STAU2: variants seen among roughly 807,000 people sequenced by gnomAD.
STAU2 encodes the protein double-stranded RNA-binding protein Staufen homolog 2.
A neutral mutation model predicts 65.9 loss-of-function variants in STAU2; 20 were observed. That is an observed-to-expected ratio of 0.30 (90% CI 0.21 to 0.44). The LOEUF is 0.44. Ranked by LOEUF, STAU2 falls within the 20% of genes least tolerant of loss-of-function variation. The pLI, the probability that STAU2 is intolerant of heterozygous loss-of-function variation, is 1.00. For missense variants in STAU2, 558 were observed against 683.9 expected, an observed-to-expected ratio of 0.82 and a Z score of 2.05; for synonymous variants, 232 against 233.9, an observed-to-expected ratio of 0.99 and a Z score of 0.07.
chr8:73,545,760 G>T (rs1229929729), intron 13 of STAU2, among the ~76,000 whole-genome samples: 1 of 151,392 alleles, frequency 6.6e-6, no homozygotes, highest in Non-Finnish European at 1.5e-5. Flanking sequence ...CCATTCTGTT[G>T]CCTCAGCCTC....
intron 12 of STAU2, 50 bp downstream of exon 12, chr8:73,582,720 T>A: frequency 6.4e-7 from 1 of 1,561,506 alleles, no homozygotes; most frequent in South Asian, 1.1e-5. Context: ...AGCTAGTCAC[T>A]GAGCCACTGA....
intron 5 of STAU2, chr8:73,675,416 C>T (rs1321608740): frequency 1.3e-5 from 2 of 150,466 alleles, no homozygotes; most frequent in East Asian, 3.9e-4. Flanking sequence ...CTCAAAATGT[C>T]TCCTCAGAAA....
At position 73,595,223 on chromosome 8, in the gene STAU2, T is replaced by A; in HGVS notation, c.1104A>T (p.Ala368=). 1 of 1,612,130 alleles carries A rather than the reference T, an allele frequency of 6.2e-7. No individual in the cohort carries two copies. Among genetic ancestry groups the A allele is most frequent in the Admixed American group, 1.7e-5 (1 of 59,544 alleles). Residue 368 remains alanine (A), a synonymous_variant, in exon 11 of 15, where the codon GCA becomes GCT. Coordinates refer to ENST00000524300, the MANE Select transcript of STAU2 (RefSeq NM_001164380.2). ...CTTTATAACCAAGTTGTAACAGCAT[T>A]GCTTCTGCAGCATTTTTTTTGGCTA... is the stretch of plus-strand genomic sequence containing the variant. The part of the protein sequence containing the change: ...KKIAKKNAAE[A]MLLQLGYKAS...
At chr8:73,427,017 C>T (rs1816875015) in intron 13 of STAU2, among the ~76,000 whole-genome samples, 1 of 151,310 alleles carries the variant, frequency 6.6e-6, no homozygotes, top group Admixed American at 6.6e-5. Flanking sequence ...CAACCTCTGC[C>T]TCCCGGGTTC....
intron 13 of STAU2, among the ~76,000 whole-genome samples, chr8:73,484,571 C>T (rs1250643398): frequency 6.6e-6 from 1 of 151,998 alleles, no homozygotes; most frequent in Admixed American, 6.6e-5. Flanking sequence ...TCAGATTCAC[C>T]TATTACTTAC....
chr8:73,441,773 C>A (rs897450328), intron 13 of STAU2, among the ~76,000 whole-genome samples: 1 of 152,156 alleles, frequency 6.6e-6, no homozygotes, highest in African/African-American at 2.4e-5. Context: ...AAGACTAATC[C>A]GTCTGGAGTA....
chr8:73,543,750 T>C (rs1806709222), intron 13 of STAU2, among the ~76,000 whole-genome samples: 2 of 152,206 alleles, frequency 1.3e-5, no homozygotes, highest in African/African-American at 4.8e-5. Flanking sequence ...TACACACTGG[T>C]TGAATTCATG....
At chr8:73,658,875 T>TG (rs768520190) in intron 6 of STAU2, among the ~76,000 whole-genome samples, 1 of 151,214 alleles carries the variant, frequency 6.6e-6, no homozygotes, top group African/African-American at 2.4e-5. Flanking sequence ...ATCAAGCCAC[T>TG]GTACTCCAGC....
chr8:73,690,100 G>A (rs1022217739), intron 4 of STAU2, among the ~76,000 whole-genome samples: 2 of 151,814 alleles, frequency 1.3e-5, no homozygotes, highest in African/African-American at 4.8e-5. Context: ...AGGCTGAGAT[G>A]GGCGGATCAC....
chr8:73,616,825 T>C (rs61022162), intron 7 of STAU2, among the ~76,000 whole-genome samples: 29,345 of 151,608 alleles, frequency 0.19, 3,077 homozygotes, highest in East Asian at 0.37. Context: ...CACTATGCTA[T>C]GTATAGGACA....
intron 12 of STAU2, among the ~76,000 whole-genome samples, chr8:73,558,724 T>G (rs935521033): frequency 1.3e-5 from 2 of 152,202 alleles, no homozygotes; most frequent in Non-Finnish European, 2.9e-5. Context: ...GCCACTCCAC[T>G]GGAACTCCCA....
intron 4 of STAU2, among the ~76,000 whole-genome samples, chr8:73,701,312 G>A (rs1202791935): frequency 1.3e-5 from 2 of 152,012 alleles, no homozygotes; most frequent in Admixed American, 6.6e-5. Context: ...GCACAGCAAA[G>A]GAAACAGTCA....
At chr8:73,676,184 T>G (rs1244626519) in intron 5 of STAU2, among the ~76,000 whole-genome samples, 1 of 151,586 alleles carries the variant, frequency 6.6e-6, no homozygotes, top group Non-Finnish European at 1.5e-5. Context: ...TAACTTCTTT[T>G]TAAGACCCAT....
chr8:73,607,287 T>G (rs1340311723), intron 9 of STAU2, among the ~76,000 whole-genome samples: 1 of 152,178 alleles, frequency 6.6e-6, no homozygotes, highest in African/African-American at 2.4e-5. Flanking sequence ...GAGGACGTGA[T>G]GGAAGAAGAG....
chr8:73,745,779 G>A (rs1008067665), intron 1 of STAU2, among the ~76,000 whole-genome samples: 1 of 152,116 alleles, frequency 6.6e-6, no homozygotes, highest in Non-Finnish European at 1.5e-5. Flanking sequence ...GGACATCACA[G>A]CAAATATGGA....
intron 13 of STAU2, among the ~76,000 whole-genome samples, chr8:73,431,815 T>G (rs2128883205): frequency 6.6e-6 from 1 of 152,340 alleles, no homozygotes; most frequent in South Asian, 2.1e-4. Context: ...AATTTCTAAC[T>G]TTCCTGTTGT....
intron 1 of STAU2, among the ~76,000 whole-genome samples, chr8:73,744,805 T>C (rs1451984064): frequency 6.6e-6 from 1 of 152,206 alleles, no homozygotes; most frequent in Non-Finnish European, 1.5e-5. Flanking sequence ...AAATAATAAA[T>C]ACATAAAATG....
At chr8:73,562,054 A>G (rs151152440) in intron 12 of STAU2, among the ~76,000 whole-genome samples, 21 of 152,350 alleles carry the variant, frequency 1.4e-4, no homozygotes, top group African/African-American at 4.8e-4. Context: ...TACATTTAAG[A>G]AGTTCTGGGC....
chr8:73,656,332 A>G (rs924244131), intron 6 of STAU2, among the ~76,000 whole-genome samples: 16 of 152,374 alleles, frequency 1.1e-4, no homozygotes, highest in African/African-American at 3.8e-4. Context: ...ATGCCAAAAC[A>G]CACACTGTGA....
Sources: allele counts gnomAD v4.1 joint callset (sites outside exome capture counted in the v4.1 genomes callset), GRCh38; gene constraint gnomAD v4.1.1; transcripts MANE v1.5; gene names NCBI Gene and HGNC (gene_info 2026-07-23, HGNC 2026-07-21).